Variants in KIAA1210 observed in about 807,000 individuals in gnomAD.
KIAA1210 encodes the protein KIAA1210.
A neutral mutation model predicts 78.9 loss-of-function variants in KIAA1210; 48 were observed. The ratio of observed to expected loss-of-function variants is 0.61; its 90% CI spans 0.48 to 0.77. The LOEUF is 0.77. Among genes scored for constraint, KIAA1210 ranks in the 30% least tolerant of loss-of-function variants. The pLI, the probability that KIAA1210 is intolerant of heterozygous loss-of-function variation, is 0.00. For missense variants in KIAA1210, 1,108 were observed against 1,100.0 expected, an observed-to-expected ratio of 1.01 and a Z score of -0.10; for synonymous variants, 406 against 404.5, an observed-to-expected ratio of 1.00 and a Z score of -0.04.
At chrX:119,094,339 G>C (rs1169391247) in intron 7 of KIAA1210, among the ~76,000 whole-genome samples, 1 of 111,830 alleles carries the variant, frequency 8.9e-6, no homozygotes, top group Non-Finnish European at 1.9e-5. Context: ...GCTGAAGTTG[G>C]TTTAGTATAA....
At chrX:119,104,055 T>C (rs1273212589) in intron 6 of KIAA1210, among the ~76,000 whole-genome samples, 4 of 112,420 alleles carry the variant, frequency 3.6e-5, no homozygotes, top group African/African-American at 1.3e-4. Flanking sequence ...TGAATGTATG[T>C]ACTGTCACTG....
chrX:119,121,771 A>ATT (rs750521032), intron 2 of KIAA1210, among the ~76,000 whole-genome samples: 5 of 108,708 alleles, frequency 4.6e-5, no homozygotes, highest in African/African-American at 1.0e-4. Context: ...GTTTTTATTT[A>ATT]TTATTTTTTT....
intron 10 of KIAA1210, 97 bp from the exon 11 acceptor site, chrX:119,083,217 G>A (rs1927022613): frequency 1.9e-6 from 1 of 529,651 alleles, no homozygotes; most frequent in Non-Finnish European, 3.0e-6. Flanking sequence ...CCCTGTCCTG[G>A]GTACTATGAG....
intron 8 of KIAA1210, among the ~76,000 whole-genome samples, chrX:119,090,780 A>G (rs1927344409): frequency 1.8e-5 from 2 of 111,593 alleles, no homozygotes; most frequent in African/African-American, 6.5e-5. Flanking sequence ...AGCTTTTTCC[A>G]AGAAGCAACA....
At chrX:119,141,861 T>C (rs1250567561) in intron 2 of KIAA1210, among the ~76,000 whole-genome samples, 1 of 112,466 alleles carries the variant, frequency 8.9e-6, no homozygotes, top group Non-Finnish European at 1.9e-5. Flanking sequence ...AGTTAGGAGA[T>C]GAAGGAAGTA....
chrX:119,140,125 G>T, intron 2 of KIAA1210, among the ~76,000 whole-genome samples: 1 of 112,495 alleles, frequency 8.9e-6, no homozygotes, highest in Non-Finnish European at 1.9e-5. Context: ...CTCCCTGAGT[G>T]GGCCAATGGT....
At chrX:119,145,211 CTG>C (rs1208504813) in intron 2 of KIAA1210, among the ~76,000 whole-genome samples, 3 of 110,679 alleles carry the variant, frequency 2.7e-5, no homozygotes, top group Non-Finnish European at 3.8e-5. Context: ...CTTTGGGAAA[CTG>C]TTATTAGTTT....
Position 119,092,586 on chromosome X carries a change from T to C in KIAA1210, c.955+1081A>G, listed in dbSNP as rs778296911. On this transcript the variant is annotated intron_variant, in intron 8 of 11. Transcript: ENST00000691062. ...ATCATCCTGGCTAACACGGTGAAAC[T>C]CCCTCTCTACTAAAAATACAAAAAA... 3.7e-3 allele frequency among the ~76,000 whole-genome samples: 410 copies of C among 109,796 alleles called. 4 individuals are homozygous for C. Among genetic ancestry groups the C allele is most frequent in the African/African-American group, 0.012 (368 of 30,195 alleles).
chrX:119,125,645 A>G, intron 1 of KIAA1210, among the ~76,000 whole-genome samples: 1 of 92,453 alleles, frequency 1.1e-5, no homozygotes, highest in South Asian at 5.8e-4. Flanking sequence ...CCTTGGCTGA[A>G]GAGATCCTCC....
intron 5 of KIAA1210, among the ~76,000 whole-genome samples, chrX:119,106,094 TGTGCTCCTGGG>T (rs1233652363): frequency 1.8e-5 from 2 of 111,943 alleles, no homozygotes; most frequent in Non-Finnish European, 3.8e-5. Flanking sequence ...TTACAAAGGT[TGTGCTCCTGGG>T]GTGCTCCTGG....
intron 2 of KIAA1210, among the ~76,000 whole-genome samples, chrX:119,146,892 G>A (rs953351552): frequency 9.2e-6 from 1 of 109,187 alleles, no homozygotes; most frequent in Non-Finnish European, 1.9e-5. Flanking sequence ...AAACTAGGGG[G>A]AAAGAAAAAA....
In KIAA1210 at chrX:119,085,412, C is replaced by G. The variant is rs368616080; in HGVS notation, c.4291G>C (p.Asp1431His). 1 of 1,209,314 alleles carries G rather than the reference C, an allele frequency of 8.3e-7. No individual in the cohort carries two copies. Among genetic ancestry groups the G allele is most frequent in the African/African-American group, 1.7e-5 (1 of 57,287 alleles). Residue 1431 changes from aspartate to histidine, a missense_variant, in exon 10 of 12, where the codon GAT (aspartate) becomes CAT (histidine). Physicochemically the swap from Asp to His is moderately conservative, Grantham distance 81. Around this residue, in one of 5 missense-constraint regions of KIAA1210, gnomAD observed 245 missense variants for 278.8 expected, o/e 0.88. Transcript: ENST00000691062. ...TATTTAGGCTCCTTAGTCTCAGCAT[C>G]GGCTCCAGCATTGCTCTTAGTTTTC... ...ELKTKSNAGA[D>H]AETKEPKYEG...
In KIAA1210 at chrX:119,089,061, C is replaced by CTGGGCTGACTCCATTTTGGA. The variant is rs1213275553; in HGVS notation, c.1621_1640dup (p.Gln547HisfsTer33). 9 of 1,210,365 alleles carry CTGGGCTGACTCCATTTTGGA rather than the reference C, an allele frequency of 7.4e-6. No homozygotes were observed. The highest frequency in any genetic ancestry group is 4.4e-5 in the Admixed American group (2 of 45,871). ...TTTCTTTGCAGATAGTTTGAACATC[C>CTGGGCTGACTCCATTTTGGA]TGGGCTGACTCCATTTTGGATTGGG... On this transcript the variant is annotated frameshift_variant, in exon 9 of 12. Coordinates refer to ENST00000691062, the MANE Select transcript of KIAA1210 (RefSeq NM_001394962.1). LOFTEE classifies it high-confidence loss of function.
At chrX:119,092,746 G>A (rs1228917117) in intron 8 of KIAA1210, among the ~76,000 whole-genome samples, 1 of 96,923 alleles carries the variant, frequency 1.0e-5, no homozygotes, top group Non-Finnish European at 2.1e-5. Flanking sequence ...GGGTGACAGA[G>A]TGAGACTCCG....
At chrX:119,081,654 C>T in intron 11 of KIAA1210, 150 bp from the exon 12 acceptor site, 4 of 548,057 alleles carry the variant, frequency 7.3e-6, no homozygotes, top group Non-Finnish European at 1.1e-5. Flanking sequence ...CCCTTTGGTG[C>T]CAGACTTCTA....
At chrX:119,141,767 C>T (rs1023794888) in intron 2 of KIAA1210, among the ~76,000 whole-genome samples, 3 of 111,698 alleles carry the variant, frequency 2.7e-5, no homozygotes, top group African/African-American at 9.8e-5. Flanking sequence ...AGCTGAGTGG[C>T]CTAAGGTAAG....
intron 10 of KIAA1210, among the ~76,000 whole-genome samples, chrX:119,084,638 T>C (rs919997892): frequency 9.1e-6 from 1 of 110,149 alleles, no homozygotes; most frequent in Non-Finnish European, 1.9e-5. Flanking sequence ...GGGAAGGGGA[T>C]GAGGGATAAA....
At chrX:119,098,000 C>G (rs7891663) in intron 6 of KIAA1210, among the ~76,000 whole-genome samples, 5,484 of 111,870 alleles carry the variant, frequency 0.049, 347 homozygotes, top group African/African-American at 0.17. Flanking sequence ...AGTGTATAGA[C>G]TAAAAGCTCT....
chrX:119,116,775 T>C (rs1928281748), intron 2 of KIAA1210, 111 bp from the exon 3 acceptor site: 7 of 672,097 alleles, frequency 1.0e-5, no homozygotes, highest in Non-Finnish European at 1.3e-5. Context: ...CCAGGTGTCC[T>C]GCAGAGCTTG....
Sources: gnomAD v4.1 joint callset for allele counts (sites outside exome capture counted in the v4.1 genomes callset) on GRCh38, gnomAD v4.1.1 for gene constraint, gnomAD v4.1.1 regional missense constraint, MANE v1.5 for transcripts, NCBI Gene and HGNC (gene_info 2026-07-23, HGNC 2026-07-21) for gene names.